CHD9: variants seen among roughly 807,000 people sequenced by gnomAD.
CHD9 encodes the protein ATP-dependent chromatin remodeler CHD9.
CHD9 carries 77 observed loss-of-function variants against 316.1 expected under a neutral mutation model. The ratio of observed to expected loss-of-function variants is 0.24; its 90% CI spans 0.20 to 0.29. The LOEUF (loss-of-function observed/expected upper bound fraction) is 0.29, where lower values mean the gene tolerates loss of function less well. Ranked by LOEUF, CHD9 falls within the 10% of genes least tolerant of loss-of-function variation. The pLI is 1.00. For synonymous variants in CHD9, 1,129 were observed against 1,158.3 expected (o/e 0.97, Z 0.51); for missense variants, 2,763 against 3,438.1 (o/e 0.80, Z 4.91).
At chr16:53,257,809 A>G (rs1160248112) in intron 19 of CHD9, among the ~76,000 whole-genome samples, 1 of 152,134 alleles carries the variant, frequency 6.6e-6, no homozygotes, top group East Asian at 1.9e-4. Context: ...AGTAAAGTAT[A>G]AGACTGAGAA....
intron 1 of CHD9, among the ~76,000 whole-genome samples, chr16:53,061,189 A>C (rs1162706973): frequency 1.3e-5 from 2 of 152,106 alleles, no homozygotes; most frequent in Non-Finnish European, 2.9e-5. Flanking sequence ...GGCCTCCCAA[A>C]GTGCTAGGAT....
At chr16:53,165,993 A>G (rs1441305841) in intron 2 of CHD9, among the ~76,000 whole-genome samples, 3 of 152,144 alleles carry the variant, frequency 2.0e-5, no homozygotes, top group Non-Finnish European at 4.4e-5. Context: ...GGTATTACTT[A>G]TAAAAGTTTC....
In CHD9 at chr16:53,109,677, C is replaced by CTTTTTTT. The variant is rs1166073629; in HGVS notation, c.-164-46230_-164-46224dup. ...GCCTAAAAATTTGGATTCCCAGTTT[C>CTTTTTTT]TTTTTTTTTTTTTTTTTTTTTTTTT... On this transcript the variant is annotated intron_variant, in intron 1 of 38. Coordinates refer to ENST00000447540, the MANE Select transcript of CHD9 (RefSeq NM_001308319.2). Among the ~76,000 whole-genome samples, 401 of 71,560 alleles carry CTTTTTTT rather than the reference C, an allele frequency of 5.6e-3. 14 individuals carry two copies. Among genetic ancestry groups the CTTTTTTT allele is most frequent in the African/African-American group, 0.012 (211 of 16,972 alleles). The allele number at this position is 71,560 out of a possible 152,430, so 46.9% of individuals were successfully genotyped here.
intron 12 of CHD9, among the ~76,000 whole-genome samples, chr16:53,240,514 A>G (rs1332640954): frequency 6.6e-6 from 1 of 152,130 alleles, no homozygotes; most frequent in East Asian, 1.9e-4. Flanking sequence ...TTAAATTTCA[A>G]AAGATAAAGA....
intron 19 of CHD9, among the ~76,000 whole-genome samples, chr16:53,258,406 TGAGGAGAGTTGA>T (rs1023312990): frequency 5.3e-5 from 8 of 152,160 alleles, no homozygotes; most frequent in Non-Finnish European, 1.0e-4. Context: ...ACCACAATGC[TGAGGAGAGTTGA>T]GAGGTTGCTC....
At chr16:53,317,147 G>A (rs1260355649) in intron 36 of CHD9, among the ~76,000 whole-genome samples, 1 of 131,378 alleles carries the variant, frequency 7.6e-6, no homozygotes, top group African/African-American at 2.9e-5. Flanking sequence ...CATGAGCCAA[G>A]AGCAAAACTC....
At chr16:53,112,715 A>G (rs2037964008) in intron 1 of CHD9, among the ~76,000 whole-genome samples, 1 of 152,182 alleles carries the variant, frequency 6.6e-6, no homozygotes, top group South Asian at 2.1e-4. Flanking sequence ...AATATTATCT[A>G]TAAGAAACAG....
chr16:53,296,773 G>C (rs1299908597), intron 29 of CHD9, among the ~76,000 whole-genome samples, 183 bp from the exon 30 acceptor site: 4 of 152,148 alleles, frequency 2.6e-5, no homozygotes, highest in Non-Finnish European at 5.9e-5. Context: ...CTAAAAAAAA[G>C]TATGGTTGGA....
At chr16:53,248,959 T>G (rs1335510562) in intron 16 of CHD9, among the ~76,000 whole-genome samples, 1 of 152,220 alleles carries the variant, frequency 6.6e-6, no homozygotes, top group African/African-American at 2.4e-5. Context: ...AATGTCCTAC[T>G]CTTTAGCCTC....
At chr16:53,216,562 G>T (rs1302333138) in intron 3 of CHD9, among the ~76,000 whole-genome samples, 2 of 152,096 alleles carry the variant, frequency 1.3e-5, no homozygotes, top group Non-Finnish European at 2.9e-5. Context: ...ACTGAACACT[G>T]CCTGTCTGTA....
At chr16:53,250,761 AAG>A (rs1259535559) in intron 17 of CHD9, 1 of 152,092 alleles carries the variant, frequency 6.6e-6, no homozygotes, top group Non-Finnish European at 1.5e-5. Context: ...AACAAAATAT[AAG>A]AGAAATTATT....
chr16:53,290,513 G>C (rs2054244378), intron 27 of CHD9, among the ~76,000 whole-genome samples: 1 of 151,758 alleles, frequency 6.6e-6, no homozygotes. Context: ...AGAGGAGCTG[G>C]ATGCAGTGGC....
At chr16:53,321,327 A>G (rs927189368) in intron 37 of CHD9, 199 bp from the exon 38 acceptor site, 16 of 1,365,962 alleles carry the variant, frequency 1.2e-5, no homozygotes, top group Non-Finnish European at 1.5e-5. Flanking sequence ...TTTAAAATTT[A>G]CATTATCACA....
intron 1 of CHD9, among the ~76,000 whole-genome samples, chr16:53,093,202 C>T (rs2036099274): frequency 6.6e-6 from 1 of 152,254 alleles, no homozygotes; most frequent in African/African-American, 2.4e-5. Context: ...GTGAGCCTCT[C>T]TGAATCTGCA....
rs59577921 is a variant in CHD9, at chr16:53,146,419, G to GTATGTATATATATATATA, written c.-164-9504_-164-9503insGTATATATATATATATAT. On this transcript the variant is annotated intron_variant, in intron 1 of 38. Transcript: ENST00000447540. ...AAAAAAAAATTGTGTGTGTGTGTAT[G>GTATGTATATATATATATA]TATATATATATATATATAATTAAAA... 8.0e-4 allele frequency among the ~76,000 whole-genome samples: 61 copies of GTATGTATATATATATATA among 76,696 alleles called. 3 individuals are homozygous for GTATGTATATATATATATA. The highest frequency in any genetic ancestry group is 5.6e-3 in the Middle Eastern group (1 of 178). 50.3% of individuals were successfully genotyped at this position (76,696 alleles called of 152,430 possible). A position where few individuals can be genotyped will look rare whatever the true frequency, so the allele number is the denominator to read the frequency against.
At chr16:53,202,597 C>A (rs916944186) in intron 2 of CHD9, among the ~76,000 whole-genome samples, 6 of 152,100 alleles carry the variant, frequency 3.9e-5, no homozygotes, top group African/African-American at 1.4e-4. Context: ...TTGCATTTAA[C>A]AAGTTCCTTT....
chr16:53,127,042 C>A (rs1048471585), intron 1 of CHD9, among the ~76,000 whole-genome samples: 4 of 151,832 alleles, frequency 2.6e-5, no homozygotes, highest in African/African-American at 9.7e-5. Flanking sequence ...ACAGCCTCAA[C>A]CTCCTGGGCT....
chr16:53,319,085 G>T (rs535295481), intron 37 of CHD9, among the ~76,000 whole-genome samples: 94 of 152,252 alleles, frequency 6.2e-4, no homozygotes, highest in South Asian at 2.7e-3. Context: ...TTTATGTTTG[G>T]ATTAATATGT....
chr16:53,068,109 T>G (rs2033687283), intron 1 of CHD9, among the ~76,000 whole-genome samples: 1 of 152,122 alleles, frequency 6.6e-6, no homozygotes, highest in African/African-American at 2.4e-5. Flanking sequence ...CCTACCCCAC[T>G]TCCATCACTT....
Sources: allele counts gnomAD v4.1 joint callset (sites outside exome capture counted in the v4.1 genomes callset), GRCh38; gene constraint gnomAD v4.1.1; transcripts MANE v1.5; gene names NCBI Gene and HGNC (gene_info 2026-07-23, HGNC 2026-07-21).